The following FHIT variants were observed in gnomAD, a reference collection of about 807,000 sequenced individuals.
FHIT encodes the protein bis(5'-adenosyl)-triphosphatase.
In FHIT, 19 loss-of-function variants were observed where a neutral mutation model predicts 17.9. The ratio of observed to expected loss-of-function variants is 1.06; its 90% CI spans 0.74 to 1.56. The LOEUF is 1.56. FHIT is among the 40% of genes most tolerant of loss of function. The pLI, the probability that FHIT is intolerant of heterozygous loss-of-function variation, is 0.00. For missense variants in FHIT, 248 were observed against 189.2 expected (o/e 1.31, Z -1.82); for synonymous variants, 81 against 69.7 (o/e 1.16, Z -0.81).
intron 8 of FHIT, among the ~76,000 whole-genome samples, chr3:59,817,562 T>TAAAAAAAAAA (rs10691937): frequency 1.5e-4 from 14 of 93,582 alleles, no homozygotes; most frequent in East Asian, 3.0e-4. Flanking sequence ...CACCCGTCAC[T>TAAAAAAAAAA]AAAAAAAAAA....
At chr3:60,441,705 TA>T (rs1553772757) in intron 5 of FHIT, among the ~76,000 whole-genome samples, 2 of 26,760 alleles carry the variant, frequency 7.5e-5, no homozygotes, top group African/African-American at 1.1e-3. Flanking sequence ...TAGGTATTTA[TA>T]TATATATATA....
intron 3 of FHIT, among the ~76,000 whole-genome samples, chr3:60,958,845 G>T (rs1022931200): frequency 6.6e-6 from 1 of 152,208 alleles, no homozygotes; most frequent in Admixed American, 6.5e-5. Context: ...TTTGGCAAAT[G>T]TCTTCTTTGG....
intron 5 of FHIT, among the ~76,000 whole-genome samples, chr3:60,445,986 C>T (rs1173354353): frequency 6.6e-6 from 1 of 152,020 alleles, no homozygotes; most frequent in Non-Finnish European, 1.5e-5. Flanking sequence ...TCTTGGAAGA[C>T]CTAATATCCT....
At chr3:60,775,191 A>C (rs960179610) in intron 4 of FHIT, among the ~76,000 whole-genome samples, 19 of 152,204 alleles carry the variant, frequency 1.2e-4, no homozygotes, top group African/African-American at 4.6e-4. Context: ...AATGCCCCTG[A>C]TAGAGGAAGA....
intron 5 of FHIT, among the ~76,000 whole-genome samples, chr3:60,132,381 C>T (rs967354456): frequency 2.0e-5 from 3 of 151,978 alleles, no homozygotes; most frequent in East Asian, 1.9e-4. Context: ...ATTTGTTAAA[C>T]GAATGAACAT....
intron 3 of FHIT, among the ~76,000 whole-genome samples, chr3:60,948,567 G>T (rs1409940367): frequency 1.3e-5 from 2 of 152,152 alleles, no homozygotes; most frequent in Non-Finnish European, 2.9e-5. Context: ...GAATTCCACT[G>T]GGGACAAGAA....
At chr3:60,172,199 G>A (rs1477675294) in intron 5 of FHIT, among the ~76,000 whole-genome samples, 1 of 152,196 alleles carries the variant, frequency 6.6e-6, no homozygotes, top group Non-Finnish European at 1.5e-5. Flanking sequence ...AGTTAAGGGA[G>A]TGAAAATACG....
chr3:59,958,992 T>G lies in FHIT; in HGVS notation c.280-36578A>C, dbSNP rs184830205. Among the ~76,000 whole-genome samples, 13 of 152,292 alleles carry G rather than the reference T, an allele frequency of 8.5e-5. No homozygotes were observed. The East Asian group carries it at 2.5e-3, about 29-fold the overall frequency. On this transcript the variant is annotated intron_variant, in intron 7 of 9. Transcript: ENST00000492590. ...GGGTGCTGACTGTCACTTAAGTAAT[T>G]AGACTAAACTATAATAAACAAGAAG...
At chr3:61,172,083 C>G (rs1303903366) in intron 2 of FHIT, among the ~76,000 whole-genome samples, 1 of 152,010 alleles carries the variant, frequency 6.6e-6, no homozygotes, top group African/African-American at 2.4e-5. Context: ...TGAGCAAAAT[C>G]AAAGTCATGG....
chr3:60,727,454 C>T (rs1172522492), intron 4 of FHIT, among the ~76,000 whole-genome samples: 4 of 152,170 alleles, frequency 2.6e-5, no homozygotes, highest in African/African-American at 9.7e-5. Context: ...ATCCAGCTAA[C>T]AGCAATAGAA....
intron 7 of FHIT, among the ~76,000 whole-genome samples, chr3:59,986,596 C>CAT (rs1259230825): frequency 1.6e-5 from 1 of 63,954 alleles, no homozygotes. Context: ...CACACACACA[C>CAT]ATATATATGT....
At chr3:59,782,020 G>C (rs1302577858) in intron 8 of FHIT, among the ~76,000 whole-genome samples, 1 of 150,876 alleles carries the variant, frequency 6.6e-6, no homozygotes, top group African/African-American at 2.4e-5. Context: ...GGAACACTCA[G>C]AAAATGTGAA....
chr3:60,969,578 T>C (rs1181861838), intron 3 of FHIT, among the ~76,000 whole-genome samples: 1 of 152,142 alleles, frequency 6.6e-6, no homozygotes, highest in Non-Finnish European at 1.5e-5. Flanking sequence ...TTTGTTGTGA[T>C]TACTTTCTTT....
intron 5 of FHIT, among the ~76,000 whole-genome samples, chr3:60,365,792 G>A (rs1487912816): frequency 6.6e-6 from 1 of 152,276 alleles, no homozygotes; most frequent in East Asian, 1.9e-4. Context: ...ATTTGACTCT[G>A]AATGTTCAGT....
chr3:59,921,700 A>T (rs1324021185), intron 8 of FHIT, among the ~76,000 whole-genome samples: 1 of 152,244 alleles, frequency 6.6e-6, no homozygotes, highest in African/African-American at 2.4e-5. Context: ...ATGCTCCACA[A>T]GGTGGAAATG....
chr3:61,188,000 C>A (rs1194470076), intron 2 of FHIT, among the ~76,000 whole-genome samples: 1 of 151,958 alleles, frequency 6.6e-6, no homozygotes, highest in Non-Finnish European at 1.5e-5. Context: ...AAATTGACAC[C>A]CTAACATCAC....
At position 60,473,547 on chromosome 3, in the gene FHIT, T is replaced by C. The variant is rs1415342579; in HGVS notation, c.103+63313A>G. On this transcript the variant is annotated intron_variant, in intron 5 of 9. Transcript: ENST00000492590. Reference sequence around the variant, plus strand: ...TGACAATGAAAAGGCCATTAACCAATAGGGCTAACTACAAAGGTGGTGCTT... The same window carrying C: ...TGACAATGAAAAGGCCATTAACCAACAGGGCTAACTACAAAGGTGGTGCTT... Among the ~76,000 whole-genome samples, 4 of 152,230 alleles carry C rather than the reference T, an allele frequency of 2.6e-5. No individual in the cohort carries two copies. In the East Asian group the frequency reaches 5.8e-4, roughly 22 times the overall value.
Position 60,364,988 on chromosome 3 carries a change from G to A in FHIT, c.103+171872C>T, listed in dbSNP as rs116688362. ...CAGAGAATAGATCATGAGACTTCTC[G>A]GCCTCCTTAAGTACATGAAACAATT... On this transcript the variant is annotated intron_variant, in intron 5 of 9. Transcript: ENST00000492590. 7.7e-3 allele frequency among the ~76,000 whole-genome samples: 1,166 copies of A among 151,486 alleles called. 6 individuals carry two copies. The highest frequency in any genetic ancestry group is 0.012 in the Non-Finnish European group (834 of 67,914).
chr3:60,813,871 G>C (rs1237207541), intron 4 of FHIT, among the ~76,000 whole-genome samples: 1 of 151,718 alleles, frequency 6.6e-6, no homozygotes, highest in Non-Finnish European at 1.5e-5. Context: ...AATATTTTTT[G>C]TCTTAAAGTT....
Sources: allele counts gnomAD v4.1 joint callset (sites outside exome capture counted in the v4.1 genomes callset), GRCh38; gene constraint gnomAD v4.1.1; transcripts MANE v1.5; gene names NCBI Gene and HGNC (gene_info 2026-07-23, HGNC 2026-07-21).